TYRO3: variants seen among roughly 807,000 people sequenced by gnomAD.
The protein encoded by TYRO3 is tyrosine-protein kinase receptor TYRO3.
In TYRO3, 38 loss-of-function variants were observed where a neutral mutation model predicts 95.2. The ratio of observed to expected loss-of-function variants is 0.40; its 90% CI spans 0.31 to 0.52. TYRO3 has a LOEUF of 0.52. TYRO3 is among the 20% of genes least tolerant of loss of function. The pLI is 0.56. For synonymous variants in TYRO3, 367 were observed against 432.9 expected (o/e 0.85, Z 1.89); for missense variants, 812 against 1,116.4 (o/e 0.73, Z 3.89).
intron 18 of TYRO3, among the ~76,000 whole-genome samples, chr15:41,576,502 A>AT (rs747929478): frequency 3.3e-5 from 5 of 151,534 alleles, no homozygotes; most frequent in Admixed American, 2.6e-4. Context: ...CAATTTTTGT[A>AT]TTTTTTAGTA....
intron 18 of TYRO3, among the ~76,000 whole-genome samples, chr15:41,574,159 T>C (rs2055835021): frequency 6.6e-6 from 1 of 152,200 alleles, no homozygotes; most frequent in African/African-American, 2.4e-5. Flanking sequence ...TTTTCTTTTT[T>C]TAATTTGTAT....
chr15:41,562,783 G>A, intron 4 of TYRO3, 65 bp downstream of exon 4: 1 of 1,512,760 alleles, frequency 6.6e-7, no homozygotes, highest in Non-Finnish European at 8.9e-7. Context: ...CACTGAAGCT[G>A]GCAGTTTCAG....
intron 18 of TYRO3, among the ~76,000 whole-genome samples, chr15:41,575,891 G>A (rs886814354): frequency 6.6e-6 from 1 of 152,016 alleles, no homozygotes; most frequent in Non-Finnish European, 1.5e-5. Context: ...GATCTCCTGA[G>A]GTCGGGAGTT....
chr15:41,576,669 TAA>T lies in TYRO3; in HGVS notation c.2283-1206_2283-1205del, dbSNP rs1296839035. ...CCTTTTTTTTTTTTTTTTTTTTTTT[TAA>T]AAAAAAAAAAGAGAAAGGGCCTCGC... On this transcript the variant is annotated intron_variant, in intron 18 of 18. Transcript: ENST00000263798. Among the ~76,000 whole-genome samples, 592 of 83,662 alleles carry T rather than the reference TAA, an allele frequency of 7.1e-3. 12 individuals carry two copies. The highest frequency in any genetic ancestry group is 0.026 in the African/African-American group (560 of 21,960). 54.9% of individuals were successfully genotyped at this position (83,662 alleles called of 152,430 possible). A position where few individuals can be genotyped will look rare whatever the true frequency, so the allele number is the denominator to read the frequency against.
Position 41,561,149 on chromosome 15 carries a change from G to T in TYRO3, c.147G>T (p.Pro49=). ...AAAGLKLMGA[P]VKLTVSQGQP... ...CAGGTCTGAAGCTCATGGGAGCCCC[G>T]GTGAAGCTGACAGTGTCTCAGGGGC... The change falls in exon 2 of 19, where the codon CCG becomes CCT. Residue 49 remains proline (P), a synonymous_variant. Coordinates refer to ENST00000263798, the MANE Select transcript of TYRO3 (RefSeq NM_006293.4). 2 of 1,614,182 alleles carry T rather than the reference G, an allele frequency of 1.2e-6. No homozygotes were observed. Among genetic ancestry groups the T allele is most frequent in the Non-Finnish European group, 1.7e-6 (2 of 1,180,022 alleles).
chr15:41,574,543 C>T (rs1335765627), intron 18 of TYRO3: 1 of 419,666 alleles, frequency 2.4e-6, no homozygotes, highest in Non-Finnish European at 4.8e-6. Flanking sequence ...GTAACATGGC[C>T]AACGTCACAG....
In TYRO3 at chr15:41,561,149, G is replaced by A. The variant is rs769824719; in HGVS notation, c.147G>A (p.Pro49=). The A allele has an allele frequency of 3.8e-5, 61 of 1,614,064 alleles. No homozygotes were observed. Among genetic ancestry groups the A allele is most frequent in the Non-Finnish European group, 4.8e-5 (57 of 1,180,030 alleles). The part of the protein sequence containing the change: ...AAAGLKLMGA[P]VKLTVSQGQP... ...CAGGTCTGAAGCTCATGGGAGCCCC[G>A]GTGAAGCTGACAGTGTCTCAGGGGC... The change falls in exon 2 of 19, where the codon CCG becomes CCA. Residue 49 remains proline, a synonymous_variant. Transcript: ENST00000263798.
rs187008757 is a variant in TYRO3 at position 41,566,253 on chromosome 15, C to T, written c.784-1107C>T. Among the ~76,000 whole-genome samples the T allele has an allele frequency of 5.8e-4, 84 of 144,892 alleles. 1 individual carries two copies. In the South Asian group the frequency reaches 0.013, roughly 22 times the overall value. ...ACTTGAGCCTGAGAAGTCAAGCCTG[C>T]GGTGAGCCGAGATCATGCCACTGCA... On this transcript the variant is annotated intron_variant, in intron 6 of 18. Transcript: ENST00000263798.
rs752132711 is a variant in TYRO3 at position 41,578,185 on chromosome 15, G to A, written c.2582G>A (p.Gly861Glu). ...CCCGGAGGGCTGGCTGAGCAGCCAG[G>A]GCAGGCAGAGCACCAGCCAGAGAGT... is the stretch of plus-strand genomic sequence containing the variant. ...LTPGGLAEQP[G>E]QAEHQPESPL... Residue 861 changes from glycine (G) to glutamate (E), a missense_variant, in exon 19 of 19, where the codon GGG becomes GAG. Coordinates refer to ENST00000263798, the MANE Select transcript of TYRO3 (RefSeq NM_006293.4). 1 of 1,613,860 alleles carries A rather than the reference G, an allele frequency of 6.2e-7. No homozygotes were observed. Among genetic ancestry groups the A allele is most frequent in the Non-Finnish European group, 8.5e-7 (1 of 1,180,034 alleles).
chr15:41,563,302 C>T (rs2055680495), intron 4 of TYRO3, among the ~76,000 whole-genome samples: 1 of 152,176 alleles, frequency 6.6e-6, no homozygotes, highest in African/African-American at 2.4e-5. Context: ...TTCTTGGGCA[C>T]ATACCCTCAC....
At chr15:41,573,541 C>A (rs946460382) in intron 17 of TYRO3, 74 bp downstream of exon 17, 18 of 1,570,734 alleles carry the variant, frequency 1.1e-5, no homozygotes, top group Admixed American at 1.7e-5. Context: ...AAGGGCCTAG[C>A]CAAGTCTGCT....
Position 41,568,370 on chromosome 15 carries a change from A to G in TYRO3, c.1107+8A>G, listed in dbSNP as rs2055751442. On this transcript the variant is annotated splice_region_variant and intron_variant, in intron 8 of 18. Coordinates refer to ENST00000263798, the MANE Select transcript of TYRO3 (RefSeq NM_006293.4). ...CAAGACAATGGAACCCAGGTAAGAC[A>G]GAACCCTCCCCTCTCTCCACTCTCC... 16 of 1,443,778 alleles carry G rather than the reference A, an allele frequency of 1.1e-5. No homozygotes were observed. Among genetic ancestry groups the G allele is most frequent in the Admixed American group, 5.4e-5 (3 of 55,620 alleles). 89.4% of individuals were successfully genotyped at this position (1,443,778 alleles called of 1,614,324 possible). A position where few individuals can be genotyped will look rare whatever the true frequency, so the allele number is the denominator to read the frequency against.
rs1192174017 is a variant in TYRO3 at position 41,570,032 on chromosome 15, C to G, written c.1258C>G (p.Gln420Glu). The G allele has an allele frequency of 1.2e-6, 2 of 1,612,592 alleles. No individual in the cohort carries two copies. The highest frequency in any genetic ancestry group is 1.1e-5 in the South Asian group (1 of 90,958). ...VVSSHDRAGQ[Q>E]GPPHSRTSWV... is the part of the protein sequence containing the mutation. ...ACTGCACCTCCCTCCCACAGGCCAG[C>G]AGGGCCCTCCTCACAGCCGCACATC... The change falls in exon 10 of 19, where the codon CAG becomes GAG. Residue 420 changes from glutamine to glutamate, a missense_variant. Transcript: ENST00000263798.
At position 41,570,587 on chromosome 15, in the gene TYRO3, A is replaced by C. The variant is rs1217228021; in HGVS notation, c.1484-17A>C. 1.0e-6 allele frequency: 1 copy of C among 981,426 alleles called. No individual in the cohort carries two copies. The allele number at this position is 981,426 out of a possible 1,614,324, so 60.8% of individuals were successfully genotyped here. A position where few individuals can be genotyped will look rare whatever the true frequency, so the allele number is the denominator to read the frequency against. On this transcript the variant is annotated splice_polypyrimidine_tract_variant and intron_variant, in intron 11 of 18. Coordinates refer to ENST00000263798, the MANE Select transcript of TYRO3 (RefSeq NM_006293.4). ...GGAATCAGAGATCCCTCTTTCCCAC[A>C]AACCCTTTCCCCACAGTGGACAGCT...
At chr15:41,559,856 A>G (rs1231063280) in intron 1 of TYRO3, among the ~76,000 whole-genome samples, 2 of 152,248 alleles carry the variant, frequency 1.3e-5, no homozygotes, top group Admixed American at 1.3e-4. Context: ...ACAAATGGGC[A>G]CACTCGAGTT....
At chr15:41,565,402 G>A (rs1029697434) in intron 6 of TYRO3, among the ~76,000 whole-genome samples, 1 of 151,870 alleles carries the variant, frequency 6.6e-6, no homozygotes, top group African/African-American at 2.4e-5. Context: ...GTACCTGGAA[G>A]GTTTTTCTTT....
chr15:41,568,118 A>C, intron 7 of TYRO3, 99 bp from the exon 8 acceptor site: 24 of 1,502,676 alleles, frequency 1.6e-5, no homozygotes, highest in South Asian at 2.5e-5. Flanking sequence ...TGTGCCTCTC[A>C]GAGCTGTTTA....
chr15:41,559,417 G>C, intron 1 of TYRO3, 36 bp downstream of exon 1: 1 of 243,360 alleles, frequency 4.1e-6, no homozygotes, highest in African/African-American at 2.4e-5. Context: ...GGAAGCGGGG[G>C]GCTGCGGAGG....
chr15:41,578,390 A>T lies in TYRO3; in HGVS notation c.*114A>T. ...AGCAAGGTGTGGAGGCTCCTGTGGT[A>T]GTCCTCCCAAGCTGTGCTGGGAAGC... On this transcript the variant is annotated 3_prime_UTR_variant, in exon 19 of 19. Coordinates refer to ENST00000263798, the MANE Select transcript of TYRO3 (RefSeq NM_006293.4). 1.5e-6 allele frequency: 2 copies of T among 1,352,272 alleles called. No individual in the cohort carries two copies. The highest frequency in any genetic ancestry group is 2.0e-6 in the Non-Finnish European group (2 of 989,174). The allele number at this position is 1,352,272 out of a possible 1,614,324, so 83.8% of individuals were successfully genotyped here. A position where few individuals can be genotyped will look rare whatever the true frequency, so the allele number is the denominator to read the frequency against.
Sources: gnomAD v4.1 joint callset for allele counts (sites outside exome capture counted in the v4.1 genomes callset) on GRCh38, gnomAD v4.1.1 for gene constraint, MANE v1.5 for transcripts, NCBI Gene and HGNC (gene_info 2026-07-23, HGNC 2026-07-21) for gene names.